NT5DC1: variants seen among roughly 807,000 people sequenced by gnomAD.
The protein encoded by NT5DC1 is 5'-nucleotidase domain-containing protein 1.
In NT5DC1, 42 loss-of-function variants were observed where a neutral mutation model predicts 59.4. That is an observed-to-expected ratio of 0.71 (90% CI 0.55 to 0.92). The LOEUF (loss-of-function observed/expected upper bound fraction) is 0.92, where lower values mean the gene tolerates loss of function less well. Among genes scored for constraint, NT5DC1 ranks in the 40% least tolerant of loss-of-function variants. The probability of loss-of-function intolerance (pLI) is 0.00; values close to 1 mark genes in which losing one functional copy is unlikely to be tolerated. For missense variants in NT5DC1, 501 were observed against 537.1 expected (o/e 0.93, Z 0.66); for synonymous variants, 172 against 188.1 (o/e 0.91, Z 0.70).
chr6:116,182,339 C>T (rs1780902342), intron 6 of NT5DC1, among the ~76,000 whole-genome samples: 1 of 151,798 alleles, frequency 6.6e-6, no homozygotes. Flanking sequence ...AATTGTGCTG[C>T]TATAAATGTG....
At chr6:116,176,374 G>A (rs568922293) in intron 6 of NT5DC1, among the ~76,000 whole-genome samples, 66 of 152,282 alleles carry the variant, frequency 4.3e-4, no homozygotes, top group Admixed American at 1.2e-3. Context: ...GGGCCTGGAG[G>A]CAGGGTATAG....
chr6:116,157,775 C>CT (rs1780233149), intron 6 of NT5DC1, among the ~76,000 whole-genome samples: 1 of 152,176 alleles, frequency 6.6e-6, no homozygotes, highest in Non-Finnish European at 1.5e-5. Flanking sequence ...CAAACAGACT[C>CT]TAACGGGGAA....
At chr6:116,141,174 T>C (rs1042758483) in intron 6 of NT5DC1, among the ~76,000 whole-genome samples, 1 of 152,168 alleles carries the variant, frequency 6.6e-6, no homozygotes, top group African/African-American at 2.4e-5. Context: ...ATTCGAATGA[T>C]GGTGAGCATT....
intron 4 of NT5DC1, 64 bp from the exon 5 acceptor site, chr6:116,115,627 C>G: frequency 2.5e-6 from 2 of 789,004 alleles, no homozygotes; most frequent in Non-Finnish European, 4.5e-6. Context: ...CAGCCATATT[C>G]CTGTGTATTT....
intron 6 of NT5DC1, chr6:116,125,775 TG>T (rs1348034422): frequency 6.6e-6 from 2 of 303,488 alleles, no homozygotes; most frequent in African/African-American, 4.4e-5. Flanking sequence ...ATTGGATGTC[TG>T]TATTAAATAA....
At chr6:116,156,868 C>T (rs1319678709) in intron 6 of NT5DC1, among the ~76,000 whole-genome samples, 2 of 152,222 alleles carry the variant, frequency 1.3e-5, no homozygotes, top group East Asian at 1.9e-4. Context: ...TACATCACAA[C>T]TCTTGCCACA....
intron 6 of NT5DC1, among the ~76,000 whole-genome samples, chr6:116,153,977 A>G (rs1429572708): frequency 6.6e-6 from 1 of 151,866 alleles, no homozygotes; most frequent in African/African-American, 2.4e-5. Context: ...TGGAAAATGC[A>G]TGGTTCATCT....
chr6:116,152,146 C>T (rs948328518), intron 6 of NT5DC1, among the ~76,000 whole-genome samples: 2 of 152,098 alleles, frequency 1.3e-5, no homozygotes, highest in African/African-American at 4.8e-5. Flanking sequence ...GCAGTGCCTT[C>T]GTTTTCATTA....
intron 6 of NT5DC1, chr6:116,120,428 G>C: frequency 6.2e-7 from 1 of 1,614,244 alleles, no homozygotes; most frequent in Non-Finnish European, 8.5e-7. Context: ...TCCTATTGCT[G>C]GGTAAGCTTT....
At chr6:116,151,636 G>A (rs942192315) in intron 6 of NT5DC1, among the ~76,000 whole-genome samples, 2 of 152,132 alleles carry the variant, frequency 1.3e-5, no homozygotes, top group African/African-American at 4.8e-5. Flanking sequence ...TGGCAAATGT[G>A]ATATTGGATT....
intron 6 of NT5DC1, among the ~76,000 whole-genome samples, chr6:116,172,410 C>T (rs1780631161): frequency 1.3e-5 from 2 of 150,890 alleles, no homozygotes; most frequent in South Asian, 4.2e-4. Flanking sequence ...CAACCTCTAC[C>T]TCCCGGGTTC....
At chr6:116,179,174 A>G (rs1465622857) in intron 6 of NT5DC1, among the ~76,000 whole-genome samples, 3 of 152,178 alleles carry the variant, frequency 2.0e-5, no homozygotes, top group Non-Finnish European at 4.4e-5. Flanking sequence ...TTATAGAAGA[A>G]TTCTAGCTTA....
chr6:116,136,802 A>G (rs554165586), intron 6 of NT5DC1, among the ~76,000 whole-genome samples: 1 of 152,356 alleles, frequency 6.6e-6, no homozygotes, highest in East Asian at 1.9e-4. Flanking sequence ...TGTTACTCAG[A>G]ACAAGAAGCC....
intron 8 of NT5DC1, among the ~76,000 whole-genome samples, chr6:116,233,544 C>T (rs1409939559): frequency 1.3e-5 from 2 of 152,154 alleles, no homozygotes; most frequent in African/African-American, 2.4e-5. Flanking sequence ...TGTGGCAATA[C>T]CATGGGACAC....
chr6:116,106,258 C>T lies in NT5DC1; in HGVS notation c.108C>T (p.Ser36=). The T allele has an allele frequency of 6.5e-7, 1 of 1,549,788 alleles. No individual in the cohort carries two copies. The highest frequency in any genetic ancestry group is 1.1e-5 in the South Asian group (1 of 89,702). ...LPESAPLIYN[S]FAQFLVKEKG... ...CTTATTTGCAGCTCATTTATAATAG[C>T]TTTGCCCAGTTCCTAGTTAAGGAGA... Residue 36 remains serine (S), a synonymous_variant, in exon 2 of 12, where the codon AGC becomes AGT. Coordinates refer to ENST00000319550, the MANE Select transcript of NT5DC1 (RefSeq NM_152729.3).
chr6:116,196,654 G>C (rs1412674527), intron 6 of NT5DC1, among the ~76,000 whole-genome samples: 1 of 151,960 alleles, frequency 6.6e-6, no homozygotes, highest in Non-Finnish European at 1.5e-5. Context: ...ACAAAATAGT[G>C]TTTCTTTGTG....
At chr6:116,120,574 G>T (rs960008771) in intron 6 of NT5DC1, 1 of 1,601,656 alleles carries the variant, frequency 6.2e-7, no homozygotes. Context: ...GACCTGGTGG[G>T]CCTGGAGGCC....
At chr6:116,102,494 TC>T (rs896231703) in intron 1 of NT5DC1, among the ~76,000 whole-genome samples, 2 of 152,210 alleles carry the variant, frequency 1.3e-5, no homozygotes, top group African/African-American at 4.8e-5. Context: ...TTCGAATCCT[TC>T]CTGGTTCACA....
At chr6:116,173,701 C>T (rs1002377317) in intron 6 of NT5DC1, among the ~76,000 whole-genome samples, 30 of 151,936 alleles carry the variant, frequency 2.0e-4, no homozygotes, top group African/African-American at 7.0e-4. Flanking sequence ...TTGTCTTATA[C>T]ACTTTGTTTT....
Sources: gnomAD v4.1 joint callset for allele counts (sites outside exome capture counted in the v4.1 genomes callset) on GRCh38, gnomAD v4.1.1 for gene constraint, MANE v1.5 for transcripts, NCBI Gene and HGNC (gene_info 2026-07-23, HGNC 2026-07-21) for gene names.